The following PDE1A variants were observed in gnomAD, a reference collection of about 807,000 sequenced individuals.
PDE1A encodes phosphodiesterase 1A.
Under a neutral mutation model 61.7 loss-of-function variants are expected in PDE1A, and 35 were observed. The ratio of observed to expected loss-of-function variants is 0.57; its 90% CI spans 0.43 to 0.75. The LOEUF (loss-of-function observed/expected upper bound fraction) is 0.75, where lower values mean the gene tolerates loss of function less well. Among genes scored for constraint, PDE1A ranks in the 30% least tolerant of loss-of-function variants. The pLI is 0.00. For synonymous variants in PDE1A, 232 were observed against 213.2 expected, an observed-to-expected ratio of 1.09 and a Z score of -0.77; for missense variants, 597 against 630.6, an observed-to-expected ratio of 0.95 and a Z score of 0.57.
At chr2:182,379,415 C>T (rs1700598570) in intron 1 of PDE1A, among the ~76,000 whole-genome samples, 1 of 152,192 alleles carries the variant, frequency 6.6e-6, no homozygotes, top group South Asian at 2.1e-4. Context: ...CATGAAAGCA[C>T]ATGGCCCTTG....
At chr2:182,627,847 G>T in the PDE1A span, among the ~76,000 whole-genome samples, 1 of 151,776 alleles carries the variant, frequency 6.6e-6, no homozygotes, top group Non-Finnish European at 1.5e-5. Flanking sequence ...AGAAGGCTGA[G>T]GCAGGAGAAT....
chr2:182,600,524 CA>C, the PDE1A span, among the ~76,000 whole-genome samples: 22 of 151,980 alleles, frequency 1.4e-4, no homozygotes, highest in Non-Finnish European at 2.1e-4. Flanking sequence ...GGTTTGTTTA[CA>C]AAAATCAGGT....
chr2:182,241,892 AGTTT>A lies in PDE1A; in HGVS notation c.168-1604_168-1601del, dbSNP rs570430138. 5,719 of 1,542,324 alleles carry A rather than the reference AGTTT, an allele frequency of 3.7e-3. 19 individuals carry two copies. Among genetic ancestry groups the A allele is most frequent in the Non-Finnish European group, 4.7e-3 (5,429 of 1,149,562 alleles). On this transcript the variant is annotated intron_variant, in intron 2 of 13. Transcript: ENST00000351439. The stretch of plus-strand genomic sequence containing the variant: ...CTGAACTAGAAAATTAAAGCAAAAT[AGTTT>A]GTTTATCTTTTTGCCCATTTGAAAT...
At chr2:182,558,977 A>G in the PDE1A span, among the ~76,000 whole-genome samples, 1 of 152,194 alleles carries the variant, frequency 6.6e-6, no homozygotes, top group Non-Finnish European at 1.5e-5. Context: ...GATCATCGCT[A>G]ATATCAAAGC....
chr2:182,179,212 A>G (rs1684538766), intron 13 of PDE1A, among the ~76,000 whole-genome samples: 1 of 152,222 alleles, frequency 6.6e-6, no homozygotes. Flanking sequence ...TATGATATGT[A>G]CAGACTTAAA....
intron 1 of PDE1A, among the ~76,000 whole-genome samples, chr2:182,408,907 C>T (rs1204159793): frequency 6.6e-6 from 1 of 152,158 alleles, no homozygotes; most frequent in Non-Finnish European, 1.5e-5. Context: ...ACTCACCTTG[C>T]AGAGAGAAAA....
chr2:182,445,251 T>C (rs1023116037), intron 2 of PDE1A, among the ~76,000 whole-genome samples: 12 of 152,110 alleles, frequency 7.9e-5, no homozygotes, highest in African/African-American at 2.7e-4. Flanking sequence ...AGGAACTTCC[T>C]TCTAAGTATA....
At chr2:182,150,061 T>C (rs1690695976) in intron 13 of PDE1A, among the ~76,000 whole-genome samples, 1 of 152,114 alleles carries the variant, frequency 6.6e-6, no homozygotes, top group Admixed American at 6.5e-5. Flanking sequence ...TTTGAAATAG[T>C]GATATAAAAT....
At chr2:182,348,903 A>C (rs893846967) in intron 1 of PDE1A, among the ~76,000 whole-genome samples, 4 of 152,128 alleles carry the variant, frequency 2.6e-5, no homozygotes, top group Non-Finnish European at 5.9e-5. Context: ...AAAGAACTCA[A>C]GACAGAAAAG....
At chr2:182,435,531 T>C (rs1163069337) in intron 2 of PDE1A, among the ~76,000 whole-genome samples, 1 of 152,044 alleles carries the variant, frequency 6.6e-6, no homozygotes, top group Non-Finnish European at 1.5e-5. Flanking sequence ...GCTCACACCA[T>C]CACATAAAAA....
the PDE1A span, among the ~76,000 whole-genome samples, chr2:182,572,351 A>C: frequency 6.6e-6 from 1 of 152,208 alleles, no homozygotes; most frequent in Non-Finnish European, 1.5e-5. Context: ...ACTCTGCAGG[A>C]AAACAGGTAC....
chr2:182,534,371 A>G, the PDE1A span, among the ~76,000 whole-genome samples: 11 of 151,938 alleles, frequency 7.2e-5, no homozygotes, highest in African/African-American at 2.4e-4. Context: ...TAGAAAACAT[A>G]TTGGGTCAAG....
At chr2:182,192,318 AT>A (rs1375844200) in intron 10 of PDE1A, among the ~76,000 whole-genome samples, 1 of 152,142 alleles carries the variant, frequency 6.6e-6, no homozygotes, top group Non-Finnish European at 1.5e-5. Context: ...AGAATATTAA[AT>A]TTTCACTGTC....
At chr2:182,561,536 C>G in the PDE1A span, among the ~76,000 whole-genome samples, 3 of 152,038 alleles carry the variant, frequency 2.0e-5, no homozygotes, top group Non-Finnish European at 4.4e-5. Context: ...CTTGGCAATG[C>G]GGGCTCTTTT....
intron 1 of PDE1A, among the ~76,000 whole-genome samples, chr2:182,313,400 A>G (rs778168333): frequency 6.6e-6 from 1 of 152,130 alleles, no homozygotes; most frequent in Non-Finnish European, 1.5e-5. Flanking sequence ...GGTGACAGAG[A>G]AAGACTCCGT....
At chr2:182,386,322 G>C (rs1046715466) in intron 1 of PDE1A, among the ~76,000 whole-genome samples, 1 of 151,306 alleles carries the variant, frequency 6.6e-6, no homozygotes, top group African/African-American at 2.4e-5. Flanking sequence ...TGGGATGTGA[G>C]GATCCCCTCT....
At chr2:182,221,672 C>T (rs1285246402) in intron 7 of PDE1A, among the ~76,000 whole-genome samples, 3 of 151,980 alleles carry the variant, frequency 2.0e-5, no homozygotes, top group African/African-American at 7.2e-5. Flanking sequence ...TCCTCTGTCT[C>T]CATCAAGGGG....
chr2:182,286,602 T>C (rs1694181181), intron 1 of PDE1A, among the ~76,000 whole-genome samples: 1 of 152,110 alleles, frequency 6.6e-6, no homozygotes, highest in Non-Finnish European at 1.5e-5. Flanking sequence ...GTCACTATTT[T>C]CAATACATGG....
chr2:182,182,955 T>C (rs928226641), intron 13 of PDE1A, among the ~76,000 whole-genome samples: 3 of 152,214 alleles, frequency 2.0e-5, no homozygotes, highest in African/African-American at 4.8e-5. Context: ...TGGTAATGTC[T>C]TTATTTTTCT....
Sources: allele counts gnomAD v4.1 joint callset (sites outside exome capture counted in the v4.1 genomes callset), GRCh38; gene constraint gnomAD v4.1.1; transcripts MANE v1.5; gene names NCBI Gene and HGNC (gene_info 2026-07-23, HGNC 2026-07-21).